Variants in ATP6V1H observed in about 807,000 individuals in gnomAD.
ATP6V1H encodes the protein ATPase H+ transporting V1 subunit H.
A neutral mutation model predicts 71.7 loss-of-function variants in ATP6V1H; 39 were observed. The observed-to-expected ratio is 0.54, with a 90% CI of 0.42 to 0.71. The LOEUF (loss-of-function observed/expected upper bound fraction) is 0.71, where lower values mean the gene tolerates loss of function less well. Among genes scored for constraint, ATP6V1H ranks in the 30% least tolerant of loss-of-function variants. The pLI is 0.00. For synonymous variants in ATP6V1H, 192 were observed against 199.3 expected (o/e 0.96, Z 0.31); for missense variants, 509 against 594.9 (o/e 0.86, Z 1.50).
chr8:53,834,279 G>C (rs76380672), intron 2 of ATP6V1H, among the ~76,000 whole-genome samples: 10 of 152,272 alleles, frequency 6.6e-5, no homozygotes, highest in African/African-American at 2.2e-4. Context: ...ACCTGCCCTA[G>C]CCCACTAGGT....
chr8:53,780,554 A>G (rs901053267), intron 9 of ATP6V1H, among the ~76,000 whole-genome samples: 2 of 151,922 alleles, frequency 1.3e-5, no homozygotes, highest in African/African-American at 4.8e-5. Flanking sequence ...TTTTATTATT[A>G]TTACACTTTA....
intron 9 of ATP6V1H, among the ~76,000 whole-genome samples, chr8:53,791,494 A>C (rs756598184): frequency 1.3e-5 from 2 of 152,248 alleles, no homozygotes; most frequent in Admixed American, 6.5e-5. Context: ...AGCCAGATTT[A>C]TGTGCTCCAT....
intron 13 of ATP6V1H, among the ~76,000 whole-genome samples, chr8:53,724,426 T>A (rs1005917137): frequency 2.6e-5 from 4 of 152,168 alleles, no homozygotes; most frequent in Non-Finnish European, 5.9e-5. Context: ...CATCTTAGTA[T>A]GCCACATAGC....
chr8:53,814,649 A>T lies in ATP6V1H; in HGVS notation c.525+13T>A, dbSNP rs773157461. ...TATTCCTTTCAAAGGTACTTTAAAA[A>T]ATTTTCTTTTACCTGTGAACTCAGC... On this transcript the variant is annotated intron_variant, in intron 6 of 13. Transcript: ENST00000359530. 1.9e-5 allele frequency: 28 copies of T among 1,501,622 alleles called. No homozygotes were observed. Among genetic ancestry groups the T allele is most frequent in the Non-Finnish European group, 2.5e-5 (27 of 1,086,610 alleles). The allele number at this position is 1,501,622 out of a possible 1,614,324, so 93.0% of individuals were successfully genotyped here. A position where few individuals can be genotyped will look rare whatever the true frequency, so the allele number is the denominator to read the frequency against.
chr8:53,759,740 C>T (rs867325717), intron 11 of ATP6V1H, among the ~76,000 whole-genome samples: 2 of 152,142 alleles, frequency 1.3e-5, no homozygotes, highest in Non-Finnish European at 2.9e-5. Context: ...TCTATCTCCA[C>T]GGCTTCTTAT....
chr8:53,838,273 C>T (rs1213889876), intron 2 of ATP6V1H, among the ~76,000 whole-genome samples: 2 of 152,120 alleles, frequency 1.3e-5, no homozygotes, highest in African/African-American at 4.8e-5. Context: ...TTACAGGCAC[C>T]TGCCACCACA....
At chr8:53,755,740 A>T (rs868393444) in intron 12 of ATP6V1H, among the ~76,000 whole-genome samples, 98 of 1,642 alleles carry the variant, frequency 0.06, 5 homozygotes, top group African/African-American at 0.19. Context: ...ATATATATAT[A>T]TATATTTTTT....
Position 53,795,804 on chromosome 8 carries a change from T to A in ATP6V1H, c.713A>T (p.Gln238Leu), listed in dbSNP as rs1299339847. 2 of 1,613,042 alleles carry A rather than the reference T, an allele frequency of 1.2e-6. No individual in the cohort carries two copies. Residue 238 changes from glutamine (Q) to leucine (L), a missense_variant, in exon 9 of 14, where the codon CAG becomes CTG. Transcript: ENST00000359530. ...MGVLSNKCGF[Q>L]LQYQMIFSIW... ...TGAAAAAATCATTTGATACTGGAGC[T>A]GAAAGCCACACTTGTTACTCAACAC...
At chr8:53,734,306 G>C (rs1807123539) in intron 13 of ATP6V1H, among the ~76,000 whole-genome samples, 1 of 152,164 alleles carries the variant, frequency 6.6e-6, no homozygotes, top group Admixed American at 6.5e-5. Flanking sequence ...CCTGACCTCT[G>C]GGACCAGCCT....
intron 11 of ATP6V1H, among the ~76,000 whole-genome samples, chr8:53,765,442 A>G (rs867685599): frequency 1.6e-5 from 1 of 62,072 alleles, no homozygotes. Context: ...GGTGGTGGAC[A>G]ACAACAACAA....
At chr8:53,795,616 A>G (rs746122829) in intron 9 of ATP6V1H, 31 bp downstream of exon 9, 2 of 1,595,142 alleles carry the variant, frequency 1.3e-6, no homozygotes, top group South Asian at 1.1e-5. Flanking sequence ...AAAATGCCTC[A>G]CATACACACA....
At chr8:53,735,709 A>G (rs1163981895) in intron 13 of ATP6V1H, among the ~76,000 whole-genome samples, 1 of 152,224 alleles carries the variant, frequency 6.6e-6, no homozygotes, top group African/African-American at 2.4e-5. Flanking sequence ...AGTGTTCATA[A>G]TTAAGCACAC....
chr8:53,781,417 G>A (rs1307868140), intron 9 of ATP6V1H, among the ~76,000 whole-genome samples: 1 of 152,160 alleles, frequency 6.6e-6, no homozygotes, highest in African/African-American at 2.4e-5. Flanking sequence ...ATTTGTTTGA[G>A]TTCATTGTAG....
Position 53,727,940 on chromosome 8 carries a change from T to C in ATP6V1H, c.1392-11916A>G, listed in dbSNP as rs193233805. Among the ~76,000 whole-genome samples, 25 of 152,298 alleles carry C rather than the reference T, an allele frequency of 1.6e-4. No homozygotes were observed. The East Asian group carries it at 4.8e-3, about 29-fold the overall frequency. On this transcript the variant is annotated intron_variant, in intron 13 of 13. Coordinates refer to ENST00000359530, the MANE Select transcript of ATP6V1H (RefSeq NM_015941.4). Reference sequence around the variant, plus strand: ...ATTCGCCACCAGCTCCATGCAATCATTAAGTCCTGTCACTTCCATATTTTT... The same window carrying C: ...ATTCGCCACCAGCTCCATGCAATCACTAAGTCCTGTCACTTCCATATTTTT...
intron 9 of ATP6V1H, among the ~76,000 whole-genome samples, chr8:53,781,003 G>A (rs565606507): frequency 5.3e-5 from 8 of 152,104 alleles, no homozygotes; most frequent in South Asian, 2.1e-4. Context: ...ATAAACATAC[G>A]TGTGCATGTG....
At chr8:53,834,918 G>T (rs1183733690) in intron 2 of ATP6V1H, among the ~76,000 whole-genome samples, 4 of 152,094 alleles carry the variant, frequency 2.6e-5, no homozygotes, top group Non-Finnish European at 5.9e-5. Flanking sequence ...AAGATGGGGG[G>T]ACCCCTTGGG....
chr8:53,753,730 C>T (rs1056662144), intron 12 of ATP6V1H, among the ~76,000 whole-genome samples: 20 of 152,142 alleles, frequency 1.3e-4, no homozygotes, highest in African/African-American at 4.3e-4. Context: ...CTATTATTAG[C>T]TAAATTTATA....
intron 4 of ATP6V1H, 58 bp from the exon 5 acceptor site, chr8:53,817,588 C>T (rs951998496): frequency 1.8e-5 from 19 of 1,051,388 alleles, no homozygotes; most frequent in African/African-American, 4.8e-5. Flanking sequence ...AAGAATGTAA[C>T]GACTGTGCAC....
intron 7 of ATP6V1H, among the ~76,000 whole-genome samples, chr8:53,802,199 A>G (rs935594792): frequency 2.0e-5 from 3 of 152,212 alleles, no homozygotes; most frequent in Admixed American, 2.0e-4. Flanking sequence ...CTGCCTTGCA[A>G]TGTTTCACAT....
Sources: gnomAD v4.1 joint callset for allele counts (sites outside exome capture counted in the v4.1 genomes callset) on GRCh38, gnomAD v4.1.1 for gene constraint, MANE v1.5 for transcripts, NCBI Gene and HGNC (gene_info 2026-07-23, HGNC 2026-07-21) for gene names.